Variants in IARS1 observed in about 807,000 individuals in gnomAD.
IARS1 encodes isoleucyl-tRNA synthetase 1.
IARS1 carries 124 observed loss-of-function variants against 168.2 expected under a neutral mutation model. The observed-to-expected ratio is 0.74, with a 90% CI of 0.64 to 0.86. The LOEUF (loss-of-function observed/expected upper bound fraction) is 0.86, where lower values mean the gene tolerates loss of function less well. Among genes scored for constraint, IARS1 ranks in the 40% least tolerant of loss-of-function variants. IARS1 has a pLI of 0.00. For synonymous variants in IARS1, 532 were observed against 529.4 expected, an observed-to-expected ratio of 1.00 and a Z score of -0.07; for missense variants, 1,452 against 1,515.8, an observed-to-expected ratio of 0.96 and a Z score of 0.70.
At chr9:92,254,782 G>T (rs1211320174) in intron 20 of IARS1, among the ~76,000 whole-genome samples, 1 of 152,164 alleles carries the variant, frequency 6.6e-6, no homozygotes, top group African/African-American at 2.4e-5. Context: ...ACCCTGTGAG[G>T]CAGGTCCTCT....
intron 13 of IARS1, 127 bp downstream of exon 13, chr9:92,269,758 G>C (rs1488185578): frequency 3.3e-6 from 2 of 610,704 alleles, no homozygotes; most frequent in African/African-American, 3.7e-5. Flanking sequence ...ACACACAGAA[G>C]AAAAGATAGC....
chr9:92,240,423 C>T (rs1828205113), intron 30 of IARS1: 1 of 459,802 alleles, frequency 2.2e-6, no homozygotes, highest in Non-Finnish European at 3.9e-6. Flanking sequence ...GCCACCATGC[C>T]TGGCTAATTT....
intron 1 of IARS1, among the ~76,000 whole-genome samples, chr9:92,289,730 G>A (rs540978294): frequency 7.2e-5 from 11 of 152,236 alleles, no homozygotes; most frequent in Non-Finnish European, 1.3e-4. Context: ...CAGTGGCAAC[G>A]ATTTATCTTC....
Position 92,228,957 on chromosome 9 carries a change from C to A in IARS1, c.3409+44G>T, listed in dbSNP as rs772613164. The A allele has an allele frequency of 2.5e-6, 4 of 1,607,490 alleles. No individual in the cohort carries two copies. In the Admixed American group the frequency reaches 6.7e-5, roughly 27 times the overall value. On this transcript the variant is annotated intron_variant, in intron 31 of 33. Transcript: ENST00000443024. ...CAGCAAATTAAGACCTTCACCAATC[C>A]ATCTTGAGTCAAAGGACGTAGGCTC...
intron 33 of IARS1, among the ~76,000 whole-genome samples, chr9:92,218,461 A>G (rs1839119259): frequency 9.6e-6 from 1 of 103,940 alleles, no homozygotes. Flanking sequence ...AGGGTATTCA[A>G]TTAGGAAAAG....
In IARS1 at chr9:92,242,213, G is replaced by A. The variant is rs768728111; in HGVS notation, c.3118C>T (p.Pro1040Ser). ...GGAGAAACTGGATATGGTTTCAAGG[G>A]AGCCTTTATGGTGGTAAATATGAAC... Reference protein sequence around the residue: ...TEFIFTTIKAPLKPYPVSPSD... With the variant: ...TEFIFTTIKASLKPYPVSPSD... The change falls in exon 29 of 34, where the codon CCC becomes TCC. Residue 1040 changes from proline to serine, a missense_variant. Coordinates refer to ENST00000443024, the MANE Select transcript of IARS1 (RefSeq NM_002161.6). 6.2e-7 allele frequency: 1 copy of A among 1,614,104 alleles called. No homozygotes were observed. The highest frequency in any genetic ancestry group is 2.2e-5 in the East Asian group (1 of 44,878).
chr9:92,239,849 TG>T (rs1056235851), intron 30 of IARS1, among the ~76,000 whole-genome samples: 11 of 152,196 alleles, frequency 7.2e-5, no homozygotes, highest in African/African-American at 2.4e-4. Context: ...TGGGTGGTGG[TG>T]GGGCCATAGT....
At chr9:92,271,707 G>T in intron 10 of IARS1, 52 bp from the exon 11 acceptor site, 1 of 1,580,440 alleles carries the variant, frequency 6.3e-7, no homozygotes, top group South Asian at 1.1e-5. Context: ...GTATGGGTGT[G>T]AGCATGAGGT....
At chr9:92,215,687 A>G (rs1335542533) in intron 33 of IARS1, among the ~76,000 whole-genome samples, 1 of 152,106 alleles carries the variant, frequency 6.6e-6, no homozygotes, top group Non-Finnish European at 1.5e-5. Context: ...GGAAGATGAA[A>G]TGAATGAAAT....
At chr9:92,233,978 C>G (rs1316777507) in intron 30 of IARS1, among the ~76,000 whole-genome samples, 1 of 152,144 alleles carries the variant, frequency 6.6e-6, no homozygotes, top group Non-Finnish European at 1.5e-5. Context: ...CGAGGCTGGT[C>G]TCGAACTCCC....
At position 92,265,001 on chromosome 9, in the gene IARS1, T is replaced by C; in HGVS notation, c.1628A>G (p.Glu543Gly). ...AGCATCCTCAAACTCCCTCTTGTTT[T>C]CAAACGGGTAATGAACCTGAGCATA... ...MPYAQVHYPF[E>G]NKREFEDAFP... The change falls in exon 16 of 34, where the codon GAA becomes GGA. Residue 543 changes from glutamate to glycine, a missense_variant. Glu to Gly is a moderately conservative substitution (Grantham distance 98, BLOSUM62 -2). Transcript: ENST00000443024. 1 of 1,614,162 alleles carries C rather than the reference T, an allele frequency of 6.2e-7. No homozygotes were observed.
intron 33 of IARS1, among the ~76,000 whole-genome samples, chr9:92,221,615 G>C (rs764759000): frequency 1.3e-5 from 2 of 152,208 alleles, no homozygotes; most frequent in Non-Finnish European, 2.9e-5. Flanking sequence ...AGCCACAGAA[G>C]CTGAAATCTC....
intron 19 of IARS1, among the ~76,000 whole-genome samples, chr9:92,258,230 C>T (rs906510795): frequency 2.0e-5 from 3 of 152,170 alleles, no homozygotes; most frequent in African/African-American, 7.2e-5. Flanking sequence ...CTGTATCTCC[C>T]AATTCCCACT....
chr9:92,245,184 G>A (rs559010095), intron 26 of IARS1, 113 bp from the exon 27 acceptor site: 5 of 787,012 alleles, frequency 6.4e-6, no homozygotes, highest in East Asian at 2.6e-5. Flanking sequence ...AAGCCACAGA[G>A]GCTTCAAGAG....
rs77253433 is a variant in IARS1 at position 92,285,585 on chromosome 9, T to G, written c.597+137A>C. 922 of 595,818 alleles carry G rather than the reference T, an allele frequency of 1.5e-3. 17 individuals are homozygous for G. In the East Asian group the frequency reaches 0.022, roughly 14 times the overall value. 36.9% of individuals were successfully genotyped at this position (595,818 alleles called of 1,614,324 possible). On this transcript the variant is annotated intron_variant, in intron 6 of 33. Coordinates refer to ENST00000443024, the MANE Select transcript of IARS1 (RefSeq NM_002161.6). The stretch of plus-strand genomic sequence containing the variant: ...AACTGGCAATATTTCCAGCACTCAG[T>G]AAGAAGTGGTCAAAGTGGTGGATGT...
At chr9:92,284,326 A>C (rs1188452955) in intron 6 of IARS1, among the ~76,000 whole-genome samples, 1 of 152,232 alleles carries the variant, frequency 6.6e-6, no homozygotes, top group Non-Finnish European at 1.5e-5. Context: ...TGATATCTGG[A>C]ATTTGTTTCA....
chr9:92,248,203 C>T (rs921178203), intron 25 of IARS1, among the ~76,000 whole-genome samples: 2 of 152,142 alleles, frequency 1.3e-5, no homozygotes, highest in East Asian at 1.9e-4. Flanking sequence ...ATCAGTTAAA[C>T]AGAACACTTC....
rs146676924 is a variant in IARS1, at chr9:92,268,376, C to A, written c.1305-76G>T. On this transcript the variant is annotated intron_variant, in intron 13 of 33. Transcript: ENST00000443024. ...AACATGTAAATAATACCCACAGGAG[C>A]CTTTGTATAACGCTTTGTGGACCAA... The A allele has an allele frequency of 1.4e-5, 21 of 1,466,470 alleles. No homozygotes were observed. In the African/African-American group the frequency reaches 1.8e-4, roughly 13 times the overall value. 90.8% of individuals were successfully genotyped at this position (1,466,470 alleles called of 1,614,324 possible). A position where few individuals can be genotyped will look rare whatever the true frequency, so the allele number is the denominator to read the frequency against.
At chr9:92,231,932 GATTT>G (rs926177909) in intron 30 of IARS1, among the ~76,000 whole-genome samples, 9 of 152,012 alleles carry the variant, frequency 5.9e-5, no homozygotes, top group Non-Finnish European at 1.0e-4. Context: ...ATCCTACCAG[GATTT>G]ATTATCAAAT....
Sources: allele counts gnomAD v4.1 joint callset (sites outside exome capture counted in the v4.1 genomes callset), GRCh38; gene constraint gnomAD v4.1.1; transcripts MANE v1.5; gene names NCBI Gene and HGNC (gene_info 2026-07-23, HGNC 2026-07-21).